Variants in NHS observed in about 807,000 individuals in gnomAD.
NHS encodes the protein NHS actin remodeling regulator.
In NHS, 5 loss-of-function variants were observed where a neutral mutation model predicts 72.5. That is an observed-to-expected ratio of 0.07 (90% CI 0.04 to 0.14). NHS has a LOEUF of 0.14. NHS is among the 10% of genes least tolerant of loss of function. The probability of loss-of-function intolerance (pLI) is 1.00; values close to 1 mark genes in which losing one functional copy is unlikely to be tolerated. For synonymous variants in NHS, 464 were observed against 547.7 expected (o/e 0.85, Z 2.13); for missense variants, 1,072 against 1,355.7 (o/e 0.79, Z 3.29).
At chrX:17,603,319 C>T (rs2065662004) in intron 1 of NHS, among the ~76,000 whole-genome samples, 1 of 112,176 alleles carries the variant, frequency 8.9e-6, no homozygotes, top group Non-Finnish European at 1.9e-5. Context: ...TGGAATTTAG[C>T]AACGGTGATT....
chrX:17,587,904 G>C (rs1160661385), intron 1 of NHS, among the ~76,000 whole-genome samples: 2 of 112,653 alleles, frequency 1.8e-5, no homozygotes, highest in Non-Finnish European at 3.7e-5. Flanking sequence ...TGTCCTGAAA[G>C]CTAATGATCT....
At chrX:17,600,861 T>G (rs1384855555) in intron 1 of NHS, among the ~76,000 whole-genome samples, 5 of 111,146 alleles carry the variant, frequency 4.5e-5, no homozygotes, top group South Asian at 7.8e-4. Context: ...AGTGGGAGCT[T>G]GTGAGCTTTT....
At position 17,399,294 on chromosome X, in the gene NHS, G is replaced by T. The variant is rs767691754; in HGVS notation, c.565+22972G>T. On this transcript the variant is annotated intron_variant, in intron 1 of 8. Transcript: ENST00000676302. ...TTTTTGTATTTTTAGTAGAGACAGG[G>T]TTTCACCATGTTGGCCAGGCTAGTC... Among the ~76,000 whole-genome samples the T allele has an allele frequency of 4.7e-4, 52 of 110,937 alleles. 1 individual carries two copies. The Admixed American group carries it at 4.7e-3, about 10-fold the overall frequency.
intron 1 of NHS, among the ~76,000 whole-genome samples, chrX:17,430,984 A>G (rs2064692527): frequency 8.9e-6 from 1 of 112,130 alleles, no homozygotes. Flanking sequence ...TTCTTCTCTT[A>G]TATACCTAAG....
chrX:17,646,647 A>C (rs764127053), intron 1 of NHS, among the ~76,000 whole-genome samples: 4 of 112,176 alleles, frequency 3.6e-5, no homozygotes, highest in Admixed American at 9.4e-5. Context: ...GCATGTTCTC[A>C]GACTGGAAAA....
chrX:17,422,243 A>G (rs181771318), intron 1 of NHS, among the ~76,000 whole-genome samples: 111 of 112,124 alleles, frequency 9.9e-4, no homozygotes, highest in African/African-American at 3.5e-3. Flanking sequence ...TCTAAAGTAA[A>G]TAAACCTTAT....
rs1446856438 is a variant in NHS, at chrX:17,453,006, C to T, written c.565+76684C>T. 4.5e-5 allele frequency among the ~76,000 whole-genome samples: 5 copies of T among 112,071 alleles called. No individual in the cohort carries two copies. In the South Asian group the frequency reaches 1.1e-3, roughly 25 times the overall value. ...CCTGTCTCTTTAATTGTACCAGGGG[C>T]GGTCCCTGGATCCCTTGCTTTGAGA... On this transcript the variant is annotated intron_variant, in intron 1 of 8. Transcript: ENST00000676302.
intron 3 of NHS, among the ~76,000 whole-genome samples, chrX:17,703,056 C>T (rs2066275463): frequency 9.1e-6 from 1 of 110,179 alleles, no homozygotes; most frequent in African/African-American, 3.3e-5. Flanking sequence ...ATCACTTGAG[C>T]TCAGGAGTTT....
intron 1 of NHS, among the ~76,000 whole-genome samples, chrX:17,618,783 C>T (rs1324175586): frequency 2.7e-5 from 3 of 112,004 alleles, no homozygotes; most frequent in African/African-American, 9.7e-5. Context: ...TTCTGATTGT[C>T]ACCTGGAGGA....
chrX:17,466,128 T>G (rs1873985170), intron 1 of NHS, among the ~76,000 whole-genome samples: 1 of 113,214 alleles, frequency 8.8e-6, no homozygotes, highest in African/African-American at 3.2e-5. Flanking sequence ...CCAAATAAAG[T>G]TTTGCCCTCC....
In NHS at chrX:17,608,323, C is replaced by T. The variant is rs60321461; in HGVS notation, c.566-79419C>T. Among the ~76,000 whole-genome samples the T allele has an allele frequency of 1.5e-3, 168 of 111,908 alleles. 1 individual carries two copies. The highest frequency in any genetic ancestry group is 4.3e-3 in the African/African-American group (134 of 30,820). On this transcript the variant is annotated intron_variant, in intron 1 of 8. Coordinates refer to ENST00000676302, the MANE Select transcript of NHS (RefSeq NM_001291867.2). ...ATTGATGGATTAAAACTTAAATCCACGAACATGGGCCGCAAAACTCCAAAT... is the reference window on the plus strand; with the variant it reads ...ATTGATGGATTAAAACTTAAATCCATGAACATGGGCCGCAAAACTCCAAAT...
At position 17,726,859 on chromosome X, in the gene NHS, G is replaced by A. The variant is rs148795520; in HGVS notation, c.2753G>A (p.Ser918Asn). ...CAGGAACCTTCTTGGATAAACCAGA[G>A]TGAACAAGGCATTAAGGAACCTCAG... is the stretch of plus-strand genomic sequence containing the variant. ...TKQEPSWINQ[S>N]EQGIKEPQLD... Residue 918 changes from serine to asparagine, a missense_variant, in exon 7 of 9, where the codon AGT (serine) becomes AAT (asparagine). Physicochemically the swap from Ser to Asn is conservative, Grantham distance 46 (BLOSUM62 1). Transcript: ENST00000676302. 4.0e-5 allele frequency: 48 copies of A among 1,210,228 alleles called. No individual in the cohort carries two copies. Among genetic ancestry groups the A allele is most frequent in the Admixed American group, 6.6e-5 (3 of 45,786 alleles).
Position 17,376,150 on chromosome X carries a change from T to C in NHS, c.393T>C (p.Ala131=). 1.7e-6 allele frequency: 2 copies of C among 1,187,770 alleles called. No individual in the cohort carries two copies. The highest frequency in any genetic ancestry group is 2.2e-6 in the Non-Finnish European group (2 of 889,535). Residue 131 remains alanine (A), a synonymous_variant, in exon 1 of 9, where the codon GCT becomes GCC. Transcript: ENST00000676302. ...MLDLCAVSNA[A]LARVLRQLSD... Reference sequence around the variant, plus strand: ...ACCTATGCGCGGTCAGCAACGCCGCTCTGGCCCGTGTCCTCCGGCAGCTCT... The same window carrying C: ...ACCTATGCGCGGTCAGCAACGCCGCCCTGGCCCGTGTCCTCCGGCAGCTCT...
At chrX:17,544,670 G>A (rs2146954672) in intron 1 of NHS, among the ~76,000 whole-genome samples, 1 of 111,149 alleles carries the variant, frequency 9.0e-6, no homozygotes, top group East Asian at 2.8e-4. Context: ...CCACCACCAT[G>A]CCTAGCTAAT....
chrX:17,608,314 T>C (rs1387262333), intron 1 of NHS, among the ~76,000 whole-genome samples: 1 of 111,952 alleles, frequency 8.9e-6, no homozygotes, highest in Non-Finnish European at 1.9e-5. Context: ...GGATTAAAAC[T>C]TAAATCCACG....
At chrX:17,435,923 A>G (rs1005224035) in intron 1 of NHS, among the ~76,000 whole-genome samples, 1 of 111,371 alleles carries the variant, frequency 9.0e-6, no homozygotes, top group Non-Finnish European at 1.9e-5. Flanking sequence ...GTTTGGCAGG[A>G]CTCATGCTGC....
intron 1 of NHS, among the ~76,000 whole-genome samples, chrX:17,627,555 T>C (rs1409614439): frequency 8.9e-6 from 1 of 112,056 alleles, no homozygotes; most frequent in Non-Finnish European, 1.9e-5. Context: ...AGCCTTTCTT[T>C]AGCATTCACA....
chrX:17,389,694 C>A (rs7887292), intron 1 of NHS, among the ~76,000 whole-genome samples: 1 of 109,927 alleles, frequency 9.1e-6, no homozygotes, highest in Non-Finnish European at 1.9e-5. Context: ...CTCTGCCCAC[C>A]GGGTTCAAGC....
intron 1 of NHS, among the ~76,000 whole-genome samples, chrX:17,393,690 A>G (rs1352699683): frequency 1.8e-5 from 2 of 111,627 alleles, no homozygotes; most frequent in African/African-American, 3.3e-5. Flanking sequence ...GCCTTCTGTA[A>G]GTGCCCCTAC....
Sources: allele counts gnomAD v4.1 joint callset (sites outside exome capture counted in the v4.1 genomes callset), GRCh38; gene constraint gnomAD v4.1.1; transcripts MANE v1.5; gene names NCBI Gene and HGNC (gene_info 2026-07-23, HGNC 2026-07-21).